HERC4: variants seen among roughly 807,000 people sequenced by gnomAD.
The protein encoded by HERC4 is probable E3 ubiquitin-protein ligase HERC4.
A neutral mutation model predicts 124.3 loss-of-function variants in HERC4; 28 were observed. That is an observed-to-expected ratio of 0.23 (90% CI 0.17 to 0.31). The LOEUF (loss-of-function observed/expected upper bound fraction) is 0.31, where lower values mean the gene tolerates loss of function less well. Among genes scored for constraint, HERC4 ranks in the 10% least tolerant of loss-of-function variants. HERC4 has a pLI of 1.00. For missense variants in HERC4, 713 were observed against 1,229.3 expected, an observed-to-expected ratio of 0.58 and a Z score of 6.28; for synonymous variants, 407 against 421.5, an observed-to-expected ratio of 0.97 and a Z score of 0.42.
chr10:67,979,281 T>C (rs1331965623), intron 15 of HERC4, among the ~76,000 whole-genome samples: 1 of 151,982 alleles, frequency 6.6e-6, no homozygotes, highest in African/African-American at 2.4e-5. Context: ...ACAAAGAGAC[T>C]GAAATCATTT....
chr10:67,969,565 T>C (rs1182386305), intron 15 of HERC4, among the ~76,000 whole-genome samples: 1 of 152,156 alleles, frequency 6.6e-6, no homozygotes, highest in East Asian at 1.9e-4. Flanking sequence ...CCCGTCACCC[T>C]GCCCAGATCC....
At chr10:68,037,091 CTTTTTTTTTTT>C (rs35105661) in intron 5 of HERC4, among the ~76,000 whole-genome samples, 6 of 106,948 alleles carry the variant, frequency 5.6e-5, no homozygotes, top group Admixed American at 5.2e-4. Context: ...CCTATTTCTT[CTTTTTTTTTTT>C]TTTTTTTTTT....
chr10:68,041,341 T>A (rs2039757853), intron 4 of HERC4, among the ~76,000 whole-genome samples: 1 of 152,092 alleles, frequency 6.6e-6, no homozygotes, highest in Non-Finnish European at 1.5e-5. Flanking sequence ...AGTAGATTTT[T>A]AAAAAAATGA....
chr10:67,983,614 C>A (rs1472431378), intron 15 of HERC4, among the ~76,000 whole-genome samples: 3 of 151,762 alleles, frequency 2.0e-5, no homozygotes, highest in Non-Finnish European at 4.4e-5. Context: ...CCCGTCTCTA[C>A]TAAAAATACA....
chr10:67,951,965 C>T (rs550299203), intron 19 of HERC4, among the ~76,000 whole-genome samples: 28 of 152,148 alleles, frequency 1.8e-4, no homozygotes, highest in Non-Finnish European at 2.8e-4. Flanking sequence ...CTGGACCTGT[C>T]TGTTTCCAAC....
chr10:67,930,975 T>C (rs1262293739), intron 23 of HERC4, among the ~76,000 whole-genome samples: 1 of 151,868 alleles, frequency 6.6e-6, no homozygotes, highest in African/African-American at 2.4e-5. Flanking sequence ...ACACCATGCC[T>C]GGCTTAACCT....
intron 3 of HERC4, among the ~76,000 whole-genome samples, chr10:68,053,785 T>TGTCCAGGAATGACCAC (rs1359817664): frequency 6.6e-6 from 1 of 152,204 alleles, no homozygotes; most frequent in Non-Finnish European, 1.5e-5. Flanking sequence ...TGAATGCCCA[T>TGTCCAGGAATGACCAC]GTCCAGGAAT....
At chr10:68,002,895 T>C (rs994970965) in intron 9 of HERC4, among the ~76,000 whole-genome samples, 2 of 151,806 alleles carry the variant, frequency 1.3e-5, no homozygotes, top group African/African-American at 4.8e-5. Context: ...CCACCGTGCC[T>C]AGCCTTATTT....
At chr10:67,959,383 A>G (rs546005369) in intron 16 of HERC4, among the ~76,000 whole-genome samples, 1 of 152,198 alleles carries the variant, frequency 6.6e-6, no homozygotes, top group South Asian at 2.1e-4. Context: ...ACATAATGAA[A>G]TTTGTTTTCA....
intron 9 of HERC4, among the ~76,000 whole-genome samples, chr10:67,995,573 T>G (rs1473065265): frequency 1.3e-5 from 2 of 152,044 alleles, no homozygotes; most frequent in Non-Finnish European, 2.9e-5. Context: ...CTGTCTTTTT[T>G]TTTTTTCATT....
intron 23 of HERC4, among the ~76,000 whole-genome samples, chr10:67,925,971 C>T (rs2030881043): frequency 6.6e-6 from 1 of 152,218 alleles, no homozygotes; most frequent in South Asian, 2.1e-4. Context: ...TGAGCCCAAA[C>T]TACTCAGCTA....
intron 15 of HERC4, among the ~76,000 whole-genome samples, chr10:67,968,890 A>C (rs1395175946): frequency 1.3e-5 from 2 of 152,200 alleles, no homozygotes; most frequent in African/African-American, 4.8e-5. Context: ...AATAGACAAA[A>C]CCAGCAAGTA....
At chr10:68,034,407 T>C (rs2039354976) in intron 5 of HERC4, among the ~76,000 whole-genome samples, 1 of 152,192 alleles carries the variant, frequency 6.6e-6, no homozygotes, top group African/African-American at 2.4e-5. Flanking sequence ...CACTTTAAGT[T>C]TGATTGACTA....
intron 3 of HERC4, among the ~76,000 whole-genome samples, chr10:68,059,708 TATC>T (rs1314110923): frequency 1.6e-5 from 1 of 64,152 alleles, no homozygotes; most frequent in Non-Finnish European, 2.1e-5. Flanking sequence ...TAATATTATA[TATC>T]ATAATATTAT....
chr10:68,029,794 A>G (rs887449712), intron 7 of HERC4, among the ~76,000 whole-genome samples: 11 of 150,042 alleles, frequency 7.3e-5, no homozygotes, highest in African/African-American at 2.7e-4. Flanking sequence ...GCTGGAGTAC[A>G]GTGGCACAGC....
At chr10:68,009,079 C>A (rs2037768897) in intron 9 of HERC4, among the ~76,000 whole-genome samples, 1 of 151,964 alleles carries the variant, frequency 6.6e-6, no homozygotes, top group African/African-American at 2.4e-5. Flanking sequence ...AAAAAATTAG[C>A]CAGGTGTGGT....
rs1564609898 is a variant in HERC4, at chr10:68,059,843, T to TATTATATATTATA, written c.226+13039_226+13040insTATAATATATAAT. Reference sequence around the variant, plus strand: ...TATATCATAATATTATATATTATAATATATTATATATCATAATATTATATA... The same window carrying TATTATATATTATA: ...TATATCATAATATTATATATTATAATATTATATATTATAATATTATATATCATAATATTATATA... On this transcript the variant is annotated intron_variant, in intron 3 of 24. Transcript: ENST00000373700. Among the ~76,000 whole-genome samples the TATTATATATTATA allele has an allele frequency of 8.7e-4, 23 of 26,306 alleles. 7 individuals are homozygous for TATTATATATTATA. In the African/African-American group the frequency reaches 9.9e-3, roughly 11 times the overall value. 17.3% of individuals were successfully genotyped at this position (26,306 alleles called of 152,430 possible). A position where few individuals can be genotyped will look rare whatever the true frequency, so the allele number is the denominator to read the frequency against.
Position 67,992,443 on chromosome 10 carries a change from A to G in HERC4, c.1147-120T>C, listed in dbSNP as rs374377054. The G allele has an allele frequency of 1.7e-5, 22 of 1,328,536 alleles. No individual in the cohort carries two copies. The African/African-American group carries it at 3.0e-4, about 18-fold the overall frequency. 82.3% of individuals were successfully genotyped at this position (1,328,536 alleles called of 1,614,324 possible). ...ATTAAATCTCTCCTGAACACCTGAA[A>G]CAAAAACCTATCAAATAGATCAGAA... On this transcript the variant is annotated intron_variant, in intron 10 of 24. Coordinates refer to ENST00000373700, the MANE Select transcript of HERC4 (RefSeq NM_015601.4).
intron 24 of HERC4, 26 bp downstream of exon 24, chr10:67,925,059 G>A (rs779902261): frequency 4.9e-6 from 6 of 1,229,404 alleles, no homozygotes; most frequent in Middle Eastern, 1.9e-4. Context: ...GTCTCATAAA[G>A]TATACAACTA....
Sources: allele counts gnomAD v4.1 joint callset (sites outside exome capture counted in the v4.1 genomes callset), GRCh38; gene constraint gnomAD v4.1.1; transcripts MANE v1.5; gene names NCBI Gene and HGNC (gene_info 2026-07-23, HGNC 2026-07-21).